Variants in FAT3 observed in about 807,000 individuals in gnomAD.
FAT3 encodes FAT atypical cadherin 3.
In FAT3, 95 loss-of-function variants were observed where a neutral mutation model predicts 310.2. The observed-to-expected ratio is 0.31, with a 90% CI of 0.26 to 0.36. The LOEUF (loss-of-function observed/expected upper bound fraction) is 0.36, where lower values mean the gene tolerates loss of function less well. Ranked by LOEUF, FAT3 falls within the 10% of genes least tolerant of loss-of-function variation. The probability of loss-of-function intolerance (pLI) is 1.00; values close to 1 mark genes in which losing one functional copy is unlikely to be tolerated. For synonymous variants in FAT3, 2,314 were observed against 2,192.9 expected, an observed-to-expected ratio of 1.06 and a Z score of -1.54; for missense variants, 5,408 against 5,715.6, an observed-to-expected ratio of 0.95 and a Z score of 1.74.
chr11:92,491,695 A>G (rs1226829283), intron 2 of FAT3, among the ~76,000 whole-genome samples: 3 of 152,094 alleles, frequency 2.0e-5, no homozygotes, highest in Non-Finnish European at 4.4e-5. Context: ...TCCAACAGTA[A>G]TTCACATTAA....
At chr11:92,736,902 C>G (rs1206325953) in intron 4 of FAT3, among the ~76,000 whole-genome samples, 1 of 152,096 alleles carries the variant, frequency 6.6e-6, no homozygotes, top group Non-Finnish European at 1.5e-5. Context: ...CTGCCCATCT[C>G]ACTGATGTCT....
In FAT3 at chr11:92,883,953, G is replaced by A. The variant is rs947692409; in HGVS notation, c.12937+560G>A. On this transcript the variant is annotated intron_variant, in intron 24 of 27. Coordinates refer to ENST00000525166, the MANE Select transcript of FAT3 (RefSeq NM_001367949.2). This position sits in a 1 kb window ranked among gnomAD's most constrained non-coding sequence, Gnocchi z 4.2. The stretch of plus-strand genomic sequence containing the variant: ...TCTGGGGAAAGGAGGATATTCCACC[G>A]TAGGGGGACCCATGTGATCAGAAGA... 2.0e-5 allele frequency among the ~76,000 whole-genome samples: 3 copies of A among 152,178 alleles called. No homozygotes were observed. Among genetic ancestry groups the A allele is most frequent in the Non-Finnish European group, 2.9e-5 (2 of 68,022 alleles).
At chr11:92,889,134 C>G (rs1483752916) in intron 25 of FAT3, 55 bp from the exon 26 acceptor site, 7 of 681,610 alleles carry the variant, frequency 1.0e-5, no homozygotes, top group Admixed American at 2.3e-5. Flanking sequence ...TTAAAATATA[C>G]AACTAACCTG....
At chr11:92,781,529 A>G (rs564424846) in intron 7 of FAT3, among the ~76,000 whole-genome samples, 1 of 152,296 alleles carries the variant, frequency 6.6e-6, no homozygotes, top group Non-Finnish European at 1.5e-5. Flanking sequence ...TCAAAATCAT[A>G]TACGAGTCCA....
Position 92,840,562 on chromosome 11 carries a change from G to A in FAT3, c.10369G>A (p.Glu3457Lys). 6.3e-7 allele frequency: 1 copy of A among 1,580,578 alleles called. No individual in the cohort carries two copies. Among genetic ancestry groups the A allele is most frequent in the Non-Finnish European group, 8.7e-7 (1 of 1,155,012 alleles). The change falls in exon 18 of 28, where the codon GAA becomes AAA. Residue 3457 changes from glutamate to lysine, a missense_variant and splice_region_variant. By Grantham distance (56) the Glu-to-Lys change is moderately conservative (BLOSUM62 1). Transcript: ENST00000525166. The stretch of plus-strand genomic sequence containing the variant: ...TTTTACTATATACTCTTTTATGCAG[G>A]AAAATAAGCCAGTGGGCACCAGCAT... ...TPANYTAVIQ[E>K]NKPVGTSILQ...
intron 3 of FAT3, among the ~76,000 whole-genome samples, chr11:92,693,202 C>G (rs1402121249): frequency 6.6e-6 from 1 of 152,182 alleles, no homozygotes; most frequent in Non-Finnish European, 1.5e-5. Context: ...GGCATACTTC[C>G]CCTCCTAAAT....
chr11:92,227,478 C>A (rs964392110), intron 1 of FAT3, among the ~76,000 whole-genome samples: 2 of 152,140 alleles, frequency 1.3e-5, no homozygotes, highest in African/African-American at 4.8e-5. Flanking sequence ...AGGGGAAGCC[C>A]GCCATCTAGG....
chr11:92,663,414 T>A (rs1942853283), intron 3 of FAT3, among the ~76,000 whole-genome samples: 1 of 152,136 alleles, frequency 6.6e-6, no homozygotes, highest in South Asian at 2.1e-4. Context: ...GAATCAGACC[T>A]GCAGTTTAGG....
At chr11:92,572,040 A>T (rs934970840) in intron 3 of FAT3, among the ~76,000 whole-genome samples, 6 of 151,838 alleles carry the variant, frequency 4.0e-5, no homozygotes, top group African/African-American at 1.5e-4. Context: ...CTTACCATGT[A>T]CTCTTTTGTT....
At chr11:92,735,738 G>A (rs542317891) in intron 4 of FAT3, among the ~76,000 whole-genome samples, 60 of 151,312 alleles carry the variant, frequency 4.0e-4, no homozygotes, top group African/African-American at 1.4e-3. Context: ...ACACTGTGTT[G>A]GACTATTACA....
intron 1 of FAT3, among the ~76,000 whole-genome samples, chr11:92,276,079 CA>C (rs1357893006): frequency 1.3e-5 from 2 of 152,136 alleles, no homozygotes; most frequent in African/African-American, 4.8e-5. Context: ...CTTTTTCTGC[CA>C]AATTGTAGTT....
intron 3 of FAT3, among the ~76,000 whole-genome samples, chr11:92,606,981 G>T (rs1212510110): frequency 2.0e-5 from 3 of 152,140 alleles, no homozygotes; most frequent in African/African-American, 4.8e-5. Context: ...GAGCTTTAGT[G>T]CCTCCCTGCA....
At position 92,617,016 on chromosome 11, in the gene FAT3, G is replaced by A. The variant is rs193160178; in HGVS notation, c.3608-80368G>A. ...TTCTCTGTATTTCCTGAATTTGAAT[G>A]TTGGCCTGCCTTGCTAGGTTGGGGA... On this transcript the variant is annotated intron_variant, in intron 3 of 27. Coordinates refer to ENST00000525166, the MANE Select transcript of FAT3 (RefSeq NM_001367949.2). Among the ~76,000 whole-genome samples, 181 of 152,302 alleles carry A rather than the reference G, an allele frequency of 1.2e-3. 1 individual carries two copies. Among genetic ancestry groups the A allele is most frequent in the Non-Finnish European group, 1.6e-3 (111 of 68,030 alleles).
chr11:92,453,127 C>T lies in FAT3; in HGVS notation c.3293-71507C>T, dbSNP rs540306894. Among the ~76,000 whole-genome samples, 6 of 152,072 alleles carry T rather than the reference C, an allele frequency of 3.9e-5. No homozygotes were observed. The East Asian group carries it at 7.8e-4, about 20-fold the overall frequency. ...CACCCAACACCATTCATATCTTTGCCGATTAGCTCCACTTCTCTCAAAAAA... is the reference window on the plus strand; with the variant it reads ...CACCCAACACCATTCATATCTTTGCTGATTAGCTCCACTTCTCTCAAAAAA... On this transcript the variant is annotated intron_variant, in intron 2 of 27. Transcript: ENST00000525166.
chr11:92,716,627 G>A (rs1944699017), intron 4 of FAT3, among the ~76,000 whole-genome samples: 2 of 152,192 alleles, frequency 1.3e-5, no homozygotes, highest in African/African-American at 4.8e-5. Flanking sequence ...GCACAGGTGA[G>A]TTGGACTTAG....
intron 2 of FAT3, among the ~76,000 whole-genome samples, chr11:92,383,713 A>G (rs73548417): frequency 4.6e-5 from 7 of 152,302 alleles, no homozygotes; most frequent in African/African-American, 1.7e-4. Flanking sequence ...TTCCTGTCTT[A>G]TCCTCCAGGA....
chr11:92,608,871 G>C (rs1214662722), intron 3 of FAT3, among the ~76,000 whole-genome samples: 1 of 152,164 alleles, frequency 6.6e-6, no homozygotes, highest in Non-Finnish European at 1.5e-5. Context: ...TCCCTTTGCA[G>C]GGGCCTGCTG....
chr11:92,816,053 A>C (rs1591772515), intron 13 of FAT3, among the ~76,000 whole-genome samples: 3 of 152,204 alleles, frequency 2.0e-5, no homozygotes, highest in Admixed American at 6.5e-5. Context: ...TAAGCAATGA[A>C]TTTTCAACTG....
intron 13 of FAT3, among the ~76,000 whole-genome samples, chr11:92,824,162 G>A (rs1302217097): frequency 1.3e-5 from 2 of 152,110 alleles, no homozygotes; most frequent in African/African-American, 2.4e-5. Context: ...TTTGAGACCA[G>A]CCTGGCCAAC....
Sources: gnomAD v4.1 joint callset for allele counts (sites outside exome capture counted in the v4.1 genomes callset) on GRCh38, gnomAD v4.1.1 for gene constraint, Gnocchi (gnomAD v3.1) non-coding constraint, MANE v1.5 for transcripts, NCBI Gene and HGNC (gene_info 2026-07-23, HGNC 2026-07-21) for gene names.